NDST4: variants seen among roughly 807,000 people sequenced by gnomAD.
The protein encoded by NDST4 is N-heparan sulfate sulfotransferase 4.
NDST4 carries 63 observed loss-of-function variants against 100.8 expected under a neutral mutation model. That is an observed-to-expected ratio of 0.62 (90% CI 0.51 to 0.77). The LOEUF is 0.77. NDST4 is among the 30% of genes least tolerant of loss of function. NDST4 has a pLI of 0.00. For missense variants in NDST4, 943 were observed against 1,018.4 expected (o/e 0.93, Z 1.01); for synonymous variants, 377 against 361.8 (o/e 1.04, Z -0.48).
In NDST4 at chr4:114,938,664, G is replaced by T. The variant is rs1402817174; in HGVS notation, c.1222-1161C>A. 2.0e-5 allele frequency among the ~76,000 whole-genome samples: 3 copies of T among 152,204 alleles called. No individual in the cohort carries two copies. The East Asian group carries it at 5.8e-4, about 29-fold the overall frequency. On this transcript the variant is annotated intron_variant, in intron 4 of 13. Coordinates refer to ENST00000264363, the MANE Select transcript of NDST4 (RefSeq NM_022569.3). ...GTACACAGCATAGGAAAAGAATTCA[G>T]TCTCGTCTAATAAGCAAGTAGTGAA...
chr4:114,832,824 A>T lies in NDST4; in HGVS notation c.2396+782T>A, dbSNP rs1181601707. On this transcript the variant is annotated intron_variant, in intron 12 of 13. Coordinates refer to ENST00000264363, the MANE Select transcript of NDST4 (RefSeq NM_022569.3). ...CTCCCTCTTGGAACACAGCCACCAC[A>T]AGGTGAGAAAGCCAAGTCATCCAGG... Among the ~76,000 whole-genome samples, 3 of 152,200 alleles carry T rather than the reference A, an allele frequency of 2.0e-5. No homozygotes were observed. The East Asian group carries it at 5.8e-4, about 29-fold the overall frequency.
chr4:115,017,209 A>G (rs1727697541), intron 2 of NDST4, among the ~76,000 whole-genome samples: 1 of 152,116 alleles, frequency 6.6e-6, no homozygotes, highest in African/African-American at 2.4e-5. Flanking sequence ...TTAGGAAAGA[A>G]CACACTGTTT....
At chr4:115,087,283 G>C (rs979145678) in intron 1 of NDST4, among the ~76,000 whole-genome samples, 17 of 151,986 alleles carry the variant, frequency 1.1e-4, no homozygotes, top group African/African-American at 4.1e-4. Context: ...TTCAATCATG[G>C]ATTTGCTCCT....
chr4:114,953,122 A>C (rs9992854), intron 4 of NDST4, among the ~76,000 whole-genome samples: 99,804 of 150,664 alleles, frequency 0.66, 33,147 homozygotes, highest in Non-Finnish European at 0.69. Context: ...ACAACTGGAA[A>C]CACATGGCAG....
In NDST4 at chr4:115,010,307, C is replaced by G. The variant is rs1383508912; in HGVS notation, c.979-33033G>C. 1.6e-5 allele frequency among the ~76,000 whole-genome samples: 2 copies of G among 126,516 alleles called. 1 individual carries two copies. The highest frequency in any genetic ancestry group is 3.4e-5 in the Non-Finnish European group (2 of 59,412). The allele number at this position is 126,516 out of a possible 152,430, so 83.0% of individuals were successfully genotyped here. ...AACCCAAATGTCCAACAGTGATAGA[C>G]TGGATTAAGAAAATGTGGCACATAT... On this transcript the variant is annotated intron_variant, in intron 2 of 13. Coordinates refer to ENST00000264363, the MANE Select transcript of NDST4 (RefSeq NM_022569.3).
At chr4:114,997,660 A>G (rs1311374284) in intron 2 of NDST4, among the ~76,000 whole-genome samples, 1 of 152,120 alleles carries the variant, frequency 6.6e-6, no homozygotes, top group Non-Finnish European at 1.5e-5. Flanking sequence ...AGAGGGAAGG[A>G]ACTTTTATTT....
chr4:114,944,815 G>A (rs1725825101), intron 4 of NDST4, among the ~76,000 whole-genome samples: 1 of 152,174 alleles, frequency 6.6e-6, no homozygotes, highest in African/African-American at 2.4e-5. Flanking sequence ...TGCGGGGGTA[G>A]AAGAAACGAT....
chr4:114,846,926 C>T (rs1031699939), intron 9 of NDST4, among the ~76,000 whole-genome samples: 3 of 152,064 alleles, frequency 2.0e-5, no homozygotes, highest in Admixed American at 1.3e-4. Flanking sequence ...CTTTTAATAA[C>T]CTGCATGCAA....
chr4:114,869,916 GAAAC>G (rs1055760305), intron 7 of NDST4, among the ~76,000 whole-genome samples: 3 of 152,134 alleles, frequency 2.0e-5, no homozygotes, highest in Non-Finnish European at 2.9e-5. Context: ...GGAATAAAGA[GAAAC>G]AAACAGTCTT....
chr4:114,856,531 C>G (rs1723797392), intron 7 of NDST4, among the ~76,000 whole-genome samples: 1 of 152,038 alleles, frequency 6.6e-6, no homozygotes, highest in African/African-American at 2.4e-5. Flanking sequence ...AACCATTTTG[C>G]CAAATATAGG....
chr4:114,883,855 G>A (rs1242725348), intron 6 of NDST4, among the ~76,000 whole-genome samples: 5 of 152,140 alleles, frequency 3.3e-5, no homozygotes, highest in East Asian at 3.9e-4. Context: ...CCTTGCATGC[G>A]CAGTTCACAA....
rs149273581 is a variant in NDST4 at position 114,971,534 on chromosome 4, G to T, written c.1067-950C>A. Among the ~76,000 whole-genome samples, 1,315 of 152,138 alleles carry T rather than the reference G, an allele frequency of 8.6e-3. 11 individuals are homozygous for T. The highest frequency in any genetic ancestry group is 0.011 in the Non-Finnish European group (739 of 67,936). On this transcript the variant is annotated intron_variant, in intron 3 of 13. Coordinates refer to ENST00000264363, the MANE Select transcript of NDST4 (RefSeq NM_022569.3). Reference sequence around the variant, plus strand: ...GCTGAATTTACAAATGTTGTGAATCGATAACATAAGAATTAATTCCTGCTT... The same window carrying T: ...GCTGAATTTACAAATGTTGTGAATCTATAACATAAGAATTAATTCCTGCTT...
chr4:114,951,841 A>C (rs549936343), intron 4 of NDST4, among the ~76,000 whole-genome samples: 1 of 152,256 alleles, frequency 6.6e-6, no homozygotes, highest in East Asian at 1.9e-4. Context: ...CTTTATGTAT[A>C]AAAGTAGCTA....
intron 4 of NDST4, among the ~76,000 whole-genome samples, chr4:114,962,784 TATTGTGCAGAA>T (rs1726293479): frequency 6.6e-6 from 1 of 152,128 alleles, no homozygotes; most frequent in Admixed American, 6.6e-5. Flanking sequence ...CCCAGTTGTT[TATTGTGCAGAA>T]ATTGATAAGA....
chr4:114,832,237 T>C (rs939467391), intron 12 of NDST4, among the ~76,000 whole-genome samples: 3 of 152,242 alleles, frequency 2.0e-5, no homozygotes, highest in African/African-American at 7.2e-5. Context: ...GGCCTTGTGT[T>C]GTTGTTATTT....
At chr4:115,088,253 T>TGAAAA (rs1729446107) in intron 1 of NDST4, among the ~76,000 whole-genome samples, 1 of 151,626 alleles carries the variant, frequency 6.6e-6, no homozygotes, top group African/African-American at 2.4e-5. Flanking sequence ...TTTCCCAAAC[T>TGAAAA]GAAAAATTCT....
chr4:114,956,432 T>C (rs1323339146), intron 4 of NDST4, among the ~76,000 whole-genome samples: 1 of 152,168 alleles, frequency 6.6e-6, no homozygotes, highest in Admixed American at 6.5e-5. Flanking sequence ...GCTGTTGTTA[T>C]CATAATTAAG....
At chr4:114,964,596 T>C (rs954701739) in intron 4 of NDST4, among the ~76,000 whole-genome samples, 1 of 152,222 alleles carries the variant, frequency 6.6e-6, no homozygotes, top group African/African-American at 2.4e-5. Flanking sequence ...TATTATTTTA[T>C]TTTATTGTGG....
chr4:114,941,678 C>T (rs1725754164), intron 4 of NDST4, among the ~76,000 whole-genome samples: 2 of 152,052 alleles, frequency 1.3e-5, no homozygotes, highest in South Asian at 2.1e-4. Context: ...GCAGCAGAGG[C>T]TTTTTGTTTT....
Sources: allele counts gnomAD v4.1 joint callset (sites outside exome capture counted in the v4.1 genomes callset), GRCh38; gene constraint gnomAD v4.1.1; transcripts MANE v1.5; gene names NCBI Gene and HGNC (gene_info 2026-07-23, HGNC 2026-07-21).